Variants in SNX29 observed in about 807,000 individuals in gnomAD.
The protein encoded by SNX29 is sorting nexin-29.
A neutral mutation model predicts 102.1 loss-of-function variants in SNX29; 78 were observed. The ratio of observed to expected loss-of-function variants is 0.76; its 90% CI spans 0.64 to 0.92. The LOEUF (loss-of-function observed/expected upper bound fraction) is 0.92, where lower values mean the gene tolerates loss of function less well. Among genes scored for constraint, SNX29 ranks in the 40% least tolerant of loss-of-function variants. SNX29 has a pLI of 0.00. For synonymous variants in SNX29, 580 were observed against 414.5 expected (o/e 1.40, Z -4.85); for missense variants, 1,280 against 1,061.7 (o/e 1.21, Z -2.86).
At chr16:12,272,510 GC>G (rs1173604907) in intron 14 of SNX29, among the ~76,000 whole-genome samples, 3 of 152,214 alleles carry the variant, frequency 2.0e-5, no homozygotes, top group African/African-American at 7.2e-5. Context: ...TGTCCTGGTT[GC>G]CCTGCCGACG....
rs111471317 is a variant in SNX29, at chr16:12,369,310, A to T, written c.1899+13031A>T. Among the ~76,000 whole-genome samples the T allele has an allele frequency of 6.3e-3, 946 of 151,156 alleles. 10 individuals are homozygous for T. The highest frequency in any genetic ancestry group is 0.022 in the African/African-American group (913 of 41,108). ...GCCACCGTGCCCAGCTAATTTTTGT[A>T]TTTTTAGTAAAGATGGGGTTTCACC... is the stretch of plus-strand genomic sequence containing the variant. On this transcript the variant is annotated intron_variant, in intron 16 of 20. Coordinates refer to ENST00000566228, the MANE Select transcript of SNX29 (RefSeq NM_032167.5).
intron 3 of SNX29, among the ~76,000 whole-genome samples, chr16:12,025,528 C>G (rs2057166564): frequency 6.6e-6 from 1 of 152,048 alleles, no homozygotes; most frequent in Non-Finnish European, 1.5e-5. Context: ...AGGAATCCAG[C>G]AAAGATAAGA....
At chr16:12,112,890 T>C (rs906805382) in intron 11 of SNX29, among the ~76,000 whole-genome samples, 2 of 152,216 alleles carry the variant, frequency 1.3e-5, no homozygotes, top group African/African-American at 4.8e-5. Context: ...ATATTTCCCC[T>C]GTATTCCACA....
At chr16:12,485,477 T>A (rs930720118) in intron 19 of SNX29, among the ~76,000 whole-genome samples, 2 of 152,158 alleles carry the variant, frequency 1.3e-5, no homozygotes, top group Admixed American at 6.5e-5. Flanking sequence ...AAATTATGCA[T>A]TAAAATCCTC....
chr16:12,561,934 A>G (rs2078747322), intron 20 of SNX29, among the ~76,000 whole-genome samples: 1 of 152,108 alleles, frequency 6.6e-6, no homozygotes, highest in African/African-American at 2.4e-5. Context: ...AGGTGAGCTT[A>G]GAGCCAGGTG....
At chr16:12,532,846 C>T (rs142345808) in intron 20 of SNX29, among the ~76,000 whole-genome samples, 3 of 152,224 alleles carry the variant, frequency 2.0e-5, no homozygotes, top group Non-Finnish European at 4.4e-5. Flanking sequence ...GAGCCAGTGT[C>T]TCCCAGAGAA....
At chr16:12,375,096 T>C (rs2082824168) in intron 16 of SNX29, 1 of 152,038 alleles carries the variant, frequency 6.6e-6, no homozygotes, top group African/African-American at 2.4e-5. Context: ...TCAGCAACAG[T>C]GCAAGTGGGA....
intron 16 of SNX29, among the ~76,000 whole-genome samples, chr16:12,378,563 C>A (rs2082962719): frequency 1.3e-5 from 2 of 152,156 alleles, no homozygotes; most frequent in Admixed American, 6.6e-5. Flanking sequence ...TCAGGAGAAT[C>A]ATTTGAACCT....
intron 13 of SNX29, among the ~76,000 whole-genome samples, chr16:12,194,673 C>A (rs2076726427): frequency 6.9e-6 from 1 of 144,964 alleles, no homozygotes; most frequent in Non-Finnish European, 1.5e-5. Context: ...GTCACCTAGG[C>A]TGGAGTGCAG....
intron 11 of SNX29, among the ~76,000 whole-genome samples, chr16:12,094,386 A>G (rs546345905): frequency 1.3e-5 from 2 of 152,336 alleles, no homozygotes; most frequent in East Asian, 1.9e-4. Context: ...AATCTTCCTG[A>G]AAACAACATC....
intron 14 of SNX29, among the ~76,000 whole-genome samples, chr16:12,264,219 C>T (rs1370748818): frequency 3.3e-5 from 5 of 152,214 alleles, no homozygotes; most frequent in African/African-American, 4.8e-5. Flanking sequence ...ACTCTGTTGA[C>T]GTGCATCGTT....
chr16:12,542,062 G>C (rs1280328707), intron 20 of SNX29, among the ~76,000 whole-genome samples: 3 of 151,844 alleles, frequency 2.0e-5, no homozygotes, highest in African/African-American at 7.3e-5. Context: ...GATATTCCTA[G>C]TCACCAGTTA....
intron 13 of SNX29, among the ~76,000 whole-genome samples, chr16:12,195,862 A>AGT (rs2076759770): frequency 6.6e-6 from 1 of 152,112 alleles, no homozygotes; most frequent in Non-Finnish European, 1.5e-5. Flanking sequence ...TGAGACACCA[A>AGT]GTGTGTGGCA....
Position 12,524,800 on chromosome 16 carries a change from C to T in SNX29, c.2277C>T (p.Ser759=). The change falls in exon 20 of 21, where the codon AGC becomes AGT. Residue 759 remains serine (S), a synonymous_variant. Coordinates refer to ENST00000566228, the MANE Select transcript of SNX29 (RefSeq NM_032167.5). ...AGATGGTCCCCGAGTTCGCTGCCAG[C>T]CCCAAGAAGGAGACCCTCATCCAGC... ...VIQMVPEFAA[S]PKKETLIQLM... is the part of the protein sequence containing the mutation. 1 of 1,613,724 alleles carries T rather than the reference C, an allele frequency of 6.2e-7. No individual in the cohort carries two copies. The highest frequency in any genetic ancestry group is 8.5e-7 in the Non-Finnish European group (1 of 1,179,782).
At chr16:12,547,901 G>A (rs903444263) in intron 20 of SNX29, among the ~76,000 whole-genome samples, 1 of 152,138 alleles carries the variant, frequency 6.6e-6, no homozygotes, top group African/African-American at 2.4e-5. Flanking sequence ...GGCTGTATAG[G>A]AGCTGCTCTT....
At chr16:11,982,423 G>GTTTT (rs60761477) in intron 1 of SNX29, among the ~76,000 whole-genome samples, 26 of 120,372 alleles carry the variant, frequency 2.2e-4, no homozygotes, top group Non-Finnish European at 2.6e-4. Context: ...CTTTCCATCA[G>GTTTT]TTTTTTTTTT....
intron 16 of SNX29, chr16:12,375,728 C>G (rs772941127): frequency 6.6e-6 from 1 of 152,182 alleles, no homozygotes; most frequent in Non-Finnish European, 1.5e-5. Flanking sequence ...GTTTTGTAGT[C>G]TAAGCTTTAG....
intron 11 of SNX29, among the ~76,000 whole-genome samples, chr16:12,116,717 T>C (rs998216478): frequency 1.3e-5 from 2 of 152,096 alleles, no homozygotes; most frequent in African/African-American, 4.8e-5. Context: ...TCAACGTGGA[T>C]GAACTGTGGA....
At chr16:12,472,102 A>G (rs185090828) in intron 18 of SNX29, among the ~76,000 whole-genome samples, 2 of 152,370 alleles carry the variant, frequency 1.3e-5, no homozygotes, top group East Asian at 1.9e-4. Flanking sequence ...GTGGAATACT[A>G]TTCATTAGTG....
Sources: gnomAD v4.1 joint callset for allele counts (sites outside exome capture counted in the v4.1 genomes callset) on GRCh38, gnomAD v4.1.1 for gene constraint, MANE v1.5 for transcripts, NCBI Gene and HGNC (gene_info 2026-07-23, HGNC 2026-07-21) for gene names.